Variants in SGCD observed in about 807,000 individuals in gnomAD.
SGCD encodes the protein sarcoglycan delta.
SGCD carries 18 observed loss-of-function variants against 36.6 expected under a neutral mutation model. That is an observed-to-expected ratio of 0.49 (90% CI 0.34 to 0.73). The LOEUF (loss-of-function observed/expected upper bound fraction) is 0.73, where lower values mean the gene tolerates loss of function less well. Ranked by LOEUF, SGCD falls within the 30% of genes least tolerant of loss-of-function variation. The probability of loss-of-function intolerance (pLI) is 0.01; values close to 1 mark genes in which losing one functional copy is unlikely to be tolerated. For synonymous variants in SGCD, 133 were observed against 130.6 expected, an observed-to-expected ratio of 1.02 and a Z score of -0.12; for missense variants, 387 against 346.7, an observed-to-expected ratio of 1.12 and a Z score of -0.92.
chr5:156,449,963 G>A (rs1289260127), intron 3 of SGCD, among the ~76,000 whole-genome samples: 1 of 152,000 alleles, frequency 6.6e-6, no homozygotes. Context: ...CATTAAGATG[G>A]ATGGTTATAG....
intron 6 of SGCD, among the ~76,000 whole-genome samples, chr5:156,604,212 T>G (rs1761322039): frequency 6.6e-6 from 1 of 151,988 alleles, no homozygotes; most frequent in South Asian, 2.1e-4. Context: ...GTATGGCTAC[T>G]CCTGCTTGCT....
intron 3 of SGCD, among the ~76,000 whole-genome samples, chr5:156,348,746 A>T (rs1452965171): frequency 1.3e-5 from 2 of 152,168 alleles, no homozygotes; most frequent in Non-Finnish European, 2.9e-5. Context: ...GAATTAGAAA[A>T]AACATTTCTA....
intron 4 of SGCD, among the ~76,000 whole-genome samples, chr5:156,520,418 A>G (rs1757350265): frequency 6.6e-6 from 1 of 152,238 alleles, no homozygotes; most frequent in African/African-American, 2.4e-5. Flanking sequence ...AAGAATCAAT[A>G]TTGTGAAAAG....
intron 1 of SGCD, among the ~76,000 whole-genome samples, chr5:156,002,416 T>G (rs1291853751): frequency 1.3e-5 from 2 of 152,216 alleles, no homozygotes; most frequent in Non-Finnish European, 1.5e-5. Context: ...TTGTGGTATT[T>G]TATAATGACA....
At chr5:156,184,374 T>G (rs1414989432) in intron 3 of SGCD, among the ~76,000 whole-genome samples, 1 of 151,650 alleles carries the variant, frequency 6.6e-6, no homozygotes, top group Non-Finnish European at 1.5e-5. Context: ...GCAGCCAGTT[T>G]TTTTTTTTTT....
chr5:156,514,986 A>G (rs1413367044), intron 4 of SGCD, among the ~76,000 whole-genome samples: 1 of 152,210 alleles, frequency 6.6e-6, no homozygotes, highest in East Asian at 1.9e-4. Flanking sequence ...ACATCATCAT[A>G]TAGTCCAGAT....
the SGCD span, among the ~76,000 whole-genome samples, chr5:155,788,382 G>A: frequency 6.6e-6 from 1 of 152,102 alleles, no homozygotes; most frequent in Non-Finnish European, 1.5e-5. Context: ...AATCTTTTTA[G>A]TCTTTTATGT....
intron 7 of SGCD, among the ~76,000 whole-genome samples, chr5:156,706,422 A>G (rs940304535): frequency 2.6e-5 from 4 of 152,126 alleles, no homozygotes; most frequent in Non-Finnish European, 5.9e-5. Flanking sequence ...GATCATGATC[A>G]GTGTGTAGCT....
chr5:156,148,313 T>C (rs187766565), intron 3 of SGCD, among the ~76,000 whole-genome samples: 3 of 152,278 alleles, frequency 2.0e-5, no homozygotes, highest in Admixed American at 1.3e-4. Context: ...GGGGTACCTT[T>C]GGGTTTGTCT....
rs533145088 is a variant in SGCD, at chr5:156,696,980, A to C, written c.575+49444A>C. ...CACACACACTTCACCATAGAAAGAC[A>C]TCCTGGTTTCCAGACGCTTGAGTGT... On this transcript the variant is annotated intron_variant, in intron 7 of 8. Transcript: ENST00000337851. Among the ~76,000 whole-genome samples the C allele has an allele frequency of 6.1e-4, 93 of 151,268 alleles. 1 individual carries two copies. In the South Asian group the frequency reaches 0.012, roughly 20 times the overall value.
the SGCD span, among the ~76,000 whole-genome samples, chr5:155,752,087 C>T: frequency 3.3e-5 from 5 of 152,322 alleles, no homozygotes; most frequent in South Asian, 1.0e-3. Context: ...GCACTATCCT[C>T]CCACTTTCCC....
chr5:155,875,897 G>C (rs1755756711), intron 1 of SGCD, among the ~76,000 whole-genome samples: 3 of 151,884 alleles, frequency 2.0e-5, no homozygotes, highest in Admixed American at 2.0e-4. Context: ...ATATCATTGT[G>C]ATATTTCGAG....
intron 7 of SGCD, among the ~76,000 whole-genome samples, chr5:156,736,927 T>C (rs1171920833): frequency 6.6e-6 from 1 of 152,168 alleles, no homozygotes; most frequent in Non-Finnish European, 1.5e-5. Flanking sequence ...CATATCGCTT[T>C]TAAATACCAT....
chr5:155,961,835 T>A lies in SGCD; in HGVS notation c.-282+91411T>A, dbSNP rs140663617. ...ATTGAGAAAAGTAATTTTTAAAAAA[T>A]GCATGAAAACAGAATAGTACTTGGT... On this transcript the variant is annotated intron_variant, in intron 1 of 9. Coordinates refer to the SGCD transcript ENST00000517913. Among the ~76,000 whole-genome samples the A allele has an allele frequency of 4.0e-3, 604 of 152,194 alleles. 4 individuals are homozygous for A. Among genetic ancestry groups the A allele is most frequent in the African/African-American group, 0.014 (569 of 41,542 alleles).
In SGCD at chr5:156,475,509, G is replaced by C. The variant is rs575541818; in HGVS notation, c.193-33092G>C. Among the ~76,000 whole-genome samples the C allele has an allele frequency of 3.3e-5, 5 of 152,240 alleles. No individual in the cohort carries two copies. In the South Asian group the frequency reaches 1.0e-3, roughly 32 times the overall value. ...GTGCATCTCTTATTTAGAAATCTTT[G>C]CTGACTGGTTCTATCATTTTGTTCC... On this transcript the variant is annotated intron_variant, in intron 3 of 8. Transcript: ENST00000337851.
chr5:156,304,451 T>A (rs76086259), intron 3 of SGCD, among the ~76,000 whole-genome samples: 2 of 152,178 alleles, frequency 1.3e-5, no homozygotes, highest in African/African-American at 2.4e-5. Context: ...CCATGTAAGA[T>A]GTGACTTGCT....
chr5:156,130,708 C>T (rs146811201), intron 3 of SGCD, among the ~76,000 whole-genome samples: 29 of 151,974 alleles, frequency 1.9e-4, no homozygotes, highest in African/African-American at 5.3e-4. Flanking sequence ...CTGTATTTCT[C>T]GTTTTTCTTT....
intron 1 of SGCD, among the ~76,000 whole-genome samples, chr5:156,329,000 A>T (rs1453863456): frequency 6.6e-6 from 1 of 152,222 alleles, no homozygotes; most frequent in African/African-American, 2.4e-5. Context: ...AGCATTGAGC[A>T]GAAGAGGCGT....
intron 1 of SGCD, among the ~76,000 whole-genome samples, chr5:156,036,496 G>A (rs1331345996): frequency 6.6e-6 from 1 of 152,150 alleles, no homozygotes; most frequent in Non-Finnish European, 1.5e-5. Flanking sequence ...CTATGGGAAA[G>A]CACTAGGCAT....
Sources: allele counts gnomAD v4.1 joint callset (sites outside exome capture counted in the v4.1 genomes callset), GRCh38; gene constraint gnomAD v4.1.1; transcripts MANE v1.5; gene names NCBI Gene and HGNC (gene_info 2026-07-23, HGNC 2026-07-21).